Variants in CRB1 observed in about 807,000 individuals in gnomAD.
CRB1 encodes protein crumbs homolog 1.
Under a neutral mutation model 120.0 loss-of-function variants are expected in CRB1, and 83 were observed. The observed-to-expected ratio is 0.69, with a 90% CI of 0.58 to 0.83. The LOEUF (loss-of-function observed/expected upper bound fraction) is 0.83, where lower values mean the gene tolerates loss of function less well. Among genes scored for constraint, CRB1 ranks in the 40% least tolerant of loss-of-function variants. The pLI is 0.00. For synonymous variants in CRB1, 625 were observed against 612.5 expected (o/e 1.02, Z -0.30); for missense variants, 1,699 against 1,687.6 (o/e 1.01, Z -0.12).
At chr1:197,263,597 A>G (rs548423488), upstream of CRB1, among the ~76,000 whole-genome samples, 2 of 152,076 alleles carry the variant, frequency 1.3e-5, no homozygotes, top group African/African-American at 4.8e-5. Context: ...TTTCCTAGGG[A>G]TTCAGTGAGC....
chr1:197,459,548 C>T lies in CRB1; in HGVS notation c.4005+17256C>T, dbSNP rs577710527. Reference sequence around the variant, plus strand: ...AAGGAACAAGGCAGTTCTCCAGGACCTCTTTTATAAGGTCACCAATCCCAT... The same window carrying T: ...AAGGAACAAGGCAGTTCTCCAGGACTTCTTTTATAAGGTCACCAATCCCAT... On this transcript the variant is annotated intron_variant, in intron 11 of 11. Transcript: ENST00000367400. 4.6e-5 allele frequency among the ~76,000 whole-genome samples: 7 copies of T among 152,182 alleles called. No individual in the cohort carries two copies. In the East Asian group the frequency reaches 1.4e-3, roughly 29 times the overall value.
chr1:197,367,842 A>T (rs1661157124), intron 5 of CRB1, among the ~76,000 whole-genome samples: 1 of 152,132 alleles, frequency 6.6e-6, no homozygotes, highest in Non-Finnish European at 1.5e-5. Context: ...GCAGCAGGGG[A>T]TCCTATGAAG....
chr1:197,259,001 C>T, the CRB1 span, among the ~76,000 whole-genome samples: 1 of 152,094 alleles, frequency 6.6e-6, no homozygotes, highest in Non-Finnish European at 1.5e-5. Context: ...CCCCATTATA[C>T]TTCAAATAGT....
intron 1 of CRB1, among the ~76,000 whole-genome samples, chr1:197,327,329 CAT>C (rs998894224): frequency 2.6e-5 from 4 of 152,128 alleles, no homozygotes; most frequent in African/African-American, 9.7e-5. Flanking sequence ...TTACCTGTTT[CAT>C]AGAAAAGTGC....
chr1:197,256,887 G>A, the CRB1 span, among the ~76,000 whole-genome samples: 1 of 146,190 alleles, frequency 6.8e-6, no homozygotes, highest in South Asian at 2.1e-4. Flanking sequence ...GATATATTTA[G>A]TCCTATATTA....
At chr1:197,318,737 G>T (rs1460294854) in intron 1 of CRB1, among the ~76,000 whole-genome samples, 1 of 152,144 alleles carries the variant, frequency 6.6e-6, no homozygotes, top group Non-Finnish European at 1.5e-5. Context: ...AAATAAGTCA[G>T]GCTTGGGAAG....
chr1:197,280,575 G>A (rs1182922822), intron 1 of CRB1, among the ~76,000 whole-genome samples: 4 of 151,834 alleles, frequency 2.6e-5, no homozygotes, highest in Non-Finnish European at 5.9e-5. Flanking sequence ...TACCAAACAT[G>A]TATTCTATCA....
intron 1 of CRB1, among the ~76,000 whole-genome samples, chr1:197,279,410 A>C (rs2125215855): frequency 6.6e-6 from 1 of 151,996 alleles, no homozygotes; most frequent in Admixed American, 6.6e-5. Flanking sequence ...TTTCTCCTAA[A>C]GTAATCTTAA....
At chr1:197,357,181 G>C in intron 5 of CRB1, 168 bp downstream of exon 5, 1 of 716,492 alleles carries the variant, frequency 1.4e-6, no homozygotes, top group Non-Finnish European at 2.5e-6. Context: ...TCACATTTCA[G>C]AATTCCTCAA....
chr1:197,327,702 C>A (rs953828241), intron 1 of CRB1, among the ~76,000 whole-genome samples: 5 of 149,804 alleles, frequency 3.3e-5, no homozygotes, highest in African/African-American at 4.8e-5. Flanking sequence ...TATATAAAAT[C>A]TTTTCTTTTC....
rs145141811 is a variant in CRB1 at position 197,328,486 on chromosome 1, C to G, written c.135C>G (p.Cys45Trp). The stretch of plus-strand genomic sequence containing the variant: ...ATTCTTGCCAAAACAATTCTACATG[C>G]AAAGATTTTTCAAAAGACAATGATT... ...LSNSCQNNSTCKDFSKDNDCS... is the reference protein window; with the variant it reads ...LSNSCQNNSTWKDFSKDNDCS... The change falls in exon 2 of 12, where the codon TGC becomes TGG. Residue 45 changes from cysteine to tryptophan, a missense_variant. Cys to Trp is a radical substitution (Grantham distance 215). Coordinates refer to ENST00000367400, the MANE Select transcript of CRB1 (RefSeq NM_201253.3). 1,379 of 1,614,014 alleles carry G rather than the reference C, an allele frequency of 8.5e-4. 1 individual carries two copies. Among genetic ancestry groups the G allele is most frequent in the Non-Finnish European group, 1.1e-3 (1,326 of 1,180,000 alleles).
At chr1:197,431,669 CAT>C (rs1664876472) in intron 8 of CRB1, among the ~76,000 whole-genome samples, 1 of 152,172 alleles carries the variant, frequency 6.6e-6, no homozygotes, top group Non-Finnish European at 1.5e-5. Flanking sequence ...GCTGGACAAA[CAT>C]GTGTCAGAAG....
intron 10 of CRB1, chr1:197,438,889 G>GGAAAAATGATTTTT (rs1308431113): frequency 4.2e-6 from 2 of 471,674 alleles, no homozygotes; most frequent in Non-Finnish European, 7.6e-6. Flanking sequence ...CTTCAAATAG[G>GGAAAAATGATTTTT]GAAAAATGAT....
intron 8 of CRB1, 136 bp from the exon 9 acceptor site, chr1:197,434,570 C>A: frequency 1.3e-6 from 1 of 757,326 alleles, no homozygotes; most frequent in Non-Finnish European, 2.1e-6. Flanking sequence ...ATAAAAGCAA[C>A]TAGCACAGTA....
chr1:197,239,257 G>T, the CRB1 span, among the ~76,000 whole-genome samples: 1 of 151,886 alleles, frequency 6.6e-6, no homozygotes, highest in Non-Finnish European at 1.5e-5. Flanking sequence ...GTTTATTCTA[G>T]ATTATTTCTG....
In CRB1 at chr1:197,435,542, G is replaced by A; in HGVS notation, c.3679G>A (p.Ala1227Thr). Residue 1227 changes from alanine to threonine, a missense_variant, in exon 9 of 12, where the codon GCC becomes ACC. Ala to Thr is a moderately conservative substitution (Grantham distance 58). Transcript: ENST00000367400. The part of the protein sequence containing the change: ...NCQSHQCANG[A>T]TCISHTNGYS... ...CCAGAGTCACCAGTGTGCAAATGGA[G>A]CCACCTGCATTAGTCATACTAATGG... The A allele has an allele frequency of 3.1e-6, 5 of 1,613,414 alleles. No individual in the cohort carries two copies. Among genetic ancestry groups the A allele is most frequent in the Non-Finnish European group, 4.2e-6 (5 of 1,179,678 alleles).
At chr1:197,206,308 T>C in the CRB1 span, among the ~76,000 whole-genome samples, 2 of 152,206 alleles carry the variant, frequency 1.3e-5, no homozygotes, top group Non-Finnish European at 2.9e-5. Context: ...AGGTTTGGTT[T>C]GTTCTTGTTT....
intron 7 of CRB1, chr1:197,428,896 T>C: frequency 1.4e-6 from 2 of 1,446,118 alleles, no homozygotes; most frequent in African/African-American, 1.4e-5. Context: ...AAATTTCTTT[T>C]TAAATACTTT....
intron 1 of CRB1, among the ~76,000 whole-genome samples, chr1:197,315,645 A>G (rs1213012188): frequency 6.6e-6 from 1 of 152,240 alleles, no homozygotes; most frequent in African/African-American, 2.4e-5. Context: ...AGCTGAAGCA[A>G]AGTAGTGTTT....
Sources: gnomAD v4.1 joint callset for allele counts (sites outside exome capture counted in the v4.1 genomes callset) on GRCh38, gnomAD v4.1.1 for gene constraint, MANE v1.5 for transcripts, NCBI Gene and HGNC (gene_info 2026-07-23, HGNC 2026-07-21) for gene names.